OR10J1: variants seen among roughly 807,000 people sequenced by gnomAD.
OR10J1 encodes the protein olfactory receptor 10J1.
For missense variants in OR10J1, 474 were observed against 376.6 expected, an observed-to-expected ratio of 1.26 and a Z score of -2.14; for synonymous variants, 202 against 143.8, an observed-to-expected ratio of 1.40 and a Z score of -2.89.
the OR10J1 span, among the ~76,000 whole-genome samples, chr1:159,427,940 A>G: frequency 7.2e-5 from 11 of 152,164 alleles, no homozygotes; most frequent in Non-Finnish European, 1.6e-4. Context: ...TTAGAGAATA[A>G]AAAGCATATG....
chr1:159,438,372 C>T (rs1571157591), upstream of OR10J1, among the ~76,000 whole-genome samples: 1 of 152,200 alleles, frequency 6.6e-6, no homozygotes, highest in Admixed American at 6.5e-5. Flanking sequence ...TTTTGCAGGA[C>T]ATTTCACATC....
the OR10J1 span, chr1:159,405,958 C>T: frequency 6.2e-6 from 3 of 481,440 alleles, no homozygotes; most frequent in Non-Finnish European, 1.2e-5. Context: ...GACACAAGCC[C>T]TCTTACCTAT....
the OR10J1 span, among the ~76,000 whole-genome samples, chr1:159,409,837 C>T: frequency 3.3e-5 from 5 of 152,034 alleles, no homozygotes; most frequent in African/African-American, 7.2e-5. Context: ...TGTGGGTTTG[C>T]TATAGATAGC....
chr1:159,411,773 G>A, the OR10J1 span, among the ~76,000 whole-genome samples: 1 of 152,182 alleles, frequency 6.6e-6, no homozygotes, highest in East Asian at 1.9e-4. Flanking sequence ...CTCATTAGTT[G>A]ATGCAGTTTC....
the OR10J1 span, among the ~76,000 whole-genome samples, chr1:159,427,427 T>C: frequency 6.6e-6 from 1 of 151,460 alleles, no homozygotes; most frequent in African/African-American, 2.4e-5. Context: ...TCAACAAAAA[T>C]CAAAGAGACA....
chr1:159,411,123 G>A, the OR10J1 span, among the ~76,000 whole-genome samples: 2 of 151,252 alleles, frequency 1.3e-5, no homozygotes, highest in Admixed American at 1.3e-4. Flanking sequence ...TTCCAACTAT[G>A]TGGTCAATTT....
At chr1:159,433,890 A>T (rs973694538), upstream of OR10J1, among the ~76,000 whole-genome samples, 4 of 152,178 alleles carry the variant, frequency 2.6e-5, no homozygotes, top group Non-Finnish European at 5.9e-5. Flanking sequence ...ATTAAAAGGA[A>T]GAAAGAAGGA....
chr1:159,429,667 G>A, the OR10J1 span, among the ~76,000 whole-genome samples: 1 of 152,170 alleles, frequency 6.6e-6, no homozygotes, highest in Admixed American at 6.5e-5. Context: ...AGTCACTGTG[G>A]TTTTGGGGAG....
In OR10J1 at chr1:159,440,310, G is replaced by T. The variant is rs1655897902; in HGVS notation, c.519G>T (p.Val173=). 2.5e-6 allele frequency: 4 copies of T among 1,614,114 alleles called. No individual in the cohort carries two copies. In the East Asian group the frequency reaches 8.9e-5, roughly 36 times the overall value. ...VFRLPFCARK[V]PHFFCDIRPV... ...GGTTACCCTTCTGTGCTAGAAAGGT[G>T]CCCCACTTCTTCTGTGACATCCGCC... Residue 173 remains valine (V), a synonymous_variant, in exon 1 of 1, where the codon GTG becomes GTT. Coordinates refer to ENST00000423932, the MANE Select transcript of OR10J1 (RefSeq NM_012351.3).
At chr1:159,411,523 G>A in the OR10J1 span, among the ~76,000 whole-genome samples, 3 of 151,638 alleles carry the variant, frequency 2.0e-5, no homozygotes, top group African/African-American at 4.8e-5. Context: ...ATTGCAACCC[G>A]TGCCTTTTTT....
chr1:159,436,939 C>A (rs1230237085), upstream of OR10J1, among the ~76,000 whole-genome samples: 1 of 152,176 alleles, frequency 6.6e-6, no homozygotes. Flanking sequence ...ACCCTGAGCT[C>A]CTGGAGGGTT....
At chr1:159,433,863 G>T (rs1655660104), upstream of OR10J1, among the ~76,000 whole-genome samples, 1 of 152,122 alleles carries the variant, frequency 6.6e-6, no homozygotes, top group Admixed American at 6.5e-5. Context: ...CTGGTGCATA[G>T]TAGATGTTAG....
the OR10J1 span, among the ~76,000 whole-genome samples, chr1:159,414,798 T>C: frequency 1.1e-4 from 16 of 152,182 alleles, no homozygotes; most frequent in South Asian, 2.1e-4. Context: ...ATATATCTCA[T>C]TGTGGTTTTG....
the OR10J1 span, among the ~76,000 whole-genome samples, chr1:159,402,491 TAA>T: frequency 3.3e-5 from 5 of 151,986 alleles, no homozygotes; most frequent in East Asian, 1.9e-4. Context: ...ACAAATTTTT[TAA>T]AAAAAATCCC....
the OR10J1 span, among the ~76,000 whole-genome samples, chr1:159,405,152 G>A: frequency 6.6e-6 from 1 of 152,212 alleles, no homozygotes; most frequent in South Asian, 2.1e-4. Context: ...AGGAAAAAAG[G>A]TGGATCTAAG....
At chr1:159,426,227 T>C in the OR10J1 span, among the ~76,000 whole-genome samples, 2 of 151,892 alleles carry the variant, frequency 1.3e-5, no homozygotes, top group Non-Finnish European at 2.9e-5. Context: ...ACAATAAATA[T>C]GAATGGATTA....
chr1:159,418,188 C>T, the OR10J1 span, among the ~76,000 whole-genome samples: 2 of 152,142 alleles, frequency 1.3e-5, no homozygotes, highest in African/African-American at 4.8e-5. Flanking sequence ...GAAATTCAAG[C>T]CAGCTGGAGA....
At chr1:159,423,162 A>C in the OR10J1 span, among the ~76,000 whole-genome samples, 2 of 152,216 alleles carry the variant, frequency 1.3e-5, no homozygotes, top group South Asian at 4.1e-4. Flanking sequence ...CTCTTAAAGA[A>C]CATATCTCCC....
the OR10J1 span, among the ~76,000 whole-genome samples, chr1:159,411,496 T>C: frequency 6.6e-6 from 1 of 152,252 alleles, no homozygotes; most frequent in East Asian, 1.9e-4. Context: ...TTAAAGTCTG[T>C]TTTATCAGAG....
Sources: allele counts gnomAD v4.1 joint callset (sites outside exome capture counted in the v4.1 genomes callset), GRCh38; gene constraint gnomAD v4.1.1; transcripts MANE v1.5; gene names NCBI Gene and HGNC (gene_info 2026-07-23, HGNC 2026-07-21).